Variants in MAP4K5 observed in about 807,000 individuals in gnomAD.
MAP4K5 encodes MAPK/ERK kinase kinase kinase 5.
Under a neutral mutation model 135.6 loss-of-function variants are expected in MAP4K5, and 82 were observed. The ratio of observed to expected loss-of-function variants is 0.60; its 90% CI spans 0.51 to 0.73. The LOEUF (loss-of-function observed/expected upper bound fraction) is 0.73. Ranked by LOEUF, MAP4K5 falls within the 30% of genes least tolerant of loss-of-function variation. The pLI, the probability that MAP4K5 is intolerant of heterozygous loss-of-function variation, is 0.00. For missense variants in MAP4K5, 907 were observed against 1,010.9 expected (o/e 0.90, Z 1.39); for synonymous variants, 347 against 335.0 (o/e 1.04, Z -0.39).
chr14:50,511,611 T>A (rs1156629329), intron 2 of MAP4K5, among the ~76,000 whole-genome samples: 1 of 152,196 alleles, frequency 6.6e-6, no homozygotes. Flanking sequence ...ATAGATTTGC[T>A]AATTTTCCTG....
chr14:50,451,091 T>C (rs913896471), intron 14 of MAP4K5, among the ~76,000 whole-genome samples: 1 of 152,144 alleles, frequency 6.6e-6, no homozygotes, highest in Non-Finnish European at 1.5e-5. Flanking sequence ...AGAAATTATA[T>C]ATATGGATGT....
intron 2 of MAP4K5, among the ~76,000 whole-genome samples, chr14:50,529,074 G>A (rs1450737169): frequency 2.0e-5 from 3 of 151,988 alleles, no homozygotes; most frequent in East Asian, 1.9e-4. Context: ...AAATACACAC[G>A]CAGGGTATCA....
Position 50,513,257 on chromosome 14 carries a change from C to CT in MAP4K5, c.109-8401dup, listed in dbSNP as rs1364315911. Among the ~76,000 whole-genome samples, 9 of 152,200 alleles carry CT rather than the reference C, an allele frequency of 5.9e-5. 1 individual carries two copies. The South Asian group carries it at 1.9e-3, about 32-fold the overall frequency. ...TTCATATTTCCAAGTCAATTTACTA[C>CT]TAAGGAAGTATTTCAACTCAAGCCC... On this transcript the variant is annotated intron_variant, in intron 2 of 32. Transcript: ENST00000682126.
At chr14:50,543,115 G>A (rs59948247) in intron 1 of MAP4K5, among the ~76,000 whole-genome samples, 1,715 of 152,342 alleles carry the variant, frequency 0.011, 32 homozygotes, top group African/African-American at 0.039. Flanking sequence ...GTGTCAATCA[G>A]CCTCTTTACA....
At chr14:50,479,181 T>G (rs575740942) in intron 6 of MAP4K5, among the ~76,000 whole-genome samples, 13 of 26,840 alleles carry the variant, frequency 4.8e-4, no homozygotes, top group African/African-American at 6.9e-4. Context: ...CTCTTCATTC[T>G]CTCTCTTTTT....
intron 2 of MAP4K5, 103 bp from the exon 3 acceptor site, chr14:50,504,960 A>C: frequency 1.6e-6 from 1 of 622,418 alleles, no homozygotes. Flanking sequence ...TACTTTTATC[A>C]AAACTAAAAA....
chr14:50,463,190 T>C (rs2036750447), intron 12 of MAP4K5, among the ~76,000 whole-genome samples: 1 of 152,184 alleles, frequency 6.6e-6, no homozygotes, highest in South Asian at 2.1e-4. Flanking sequence ...TGTAAAATTA[T>C]GTTAATTTAC....
chr14:50,560,988 G>A (rs1391850851), intron 1 of MAP4K5: 1 of 152,946 alleles, frequency 6.5e-6, no homozygotes, highest in East Asian at 1.9e-4. Flanking sequence ...CCACCCCGAC[G>A]TGGTACCCCA....
intron 9 of MAP4K5, 107 bp from the exon 10 acceptor site, chr14:50,468,889 T>G (rs2036893598): frequency 1.1e-6 from 1 of 946,870 alleles, no homozygotes; most frequent in Admixed American, 2.3e-5. Flanking sequence ...AGCTGAGAGG[T>G]GTTTACTAGG....
Position 50,418,737 on chromosome 14 carries a change from A to C in MAP4K5, c.*1282T>G, listed in dbSNP as rs986258012. The C allele has an allele frequency of 6.6e-6, 1 of 152,250 alleles. No individual in the cohort carries two copies. Among genetic ancestry groups the C allele is most frequent in the African/African-American group, 2.4e-5 (1 of 41,438 alleles). 9.4% of individuals were successfully genotyped at this position (152,250 alleles called of 1,614,324 possible). On this transcript the variant is annotated 3_prime_UTR_variant, in exon 33 of 33. Coordinates refer to ENST00000682126, the MANE Select transcript of MAP4K5 (RefSeq NM_006575.6). Reference sequence around the variant, plus strand: ...AGATACTTATACTGTTTTCCTCTTAAGTAATTAGTCAAAATAATTATAGAG... The same window carrying C: ...AGATACTTATACTGTTTTCCTCTTACGTAATTAGTCAAAATAATTATAGAG...
chr14:50,434,930 A>G, intron 27 of MAP4K5, 32 bp downstream of exon 27: 4 of 1,437,876 alleles, frequency 2.8e-6, no homozygotes, highest in Non-Finnish European at 3.9e-6. Flanking sequence ...GTGTTTTCTA[A>G]AGGAAAAAAA....
chr14:50,443,759 G>C lies in MAP4K5; in HGVS notation c.1449C>G (p.Ile483Met), dbSNP rs2036279895. Residue 483 changes from isoleucine (I) to methionine (M), a missense_variant, in exon 20 of 33, where the codon ATC becomes ATG. By Grantham distance (10) the Ile-to-Met change is conservative. Coordinates refer to ENST00000682126, the MANE Select transcript of MAP4K5 (RefSeq NM_006575.6). ...CTTTTGGGGTGGGTGGAAGGCCATTGATGGCTGGTTTCTATGGGAAAAATA... is the reference window on the plus strand; with the variant it reads ...CTTTTGGGGTGGGTGGAAGGCCATTCATGGCTGGTTTCTATGGGAAAAATA... The part of the protein sequence containing the change: ...KDKRDFPKPA[I>M]NGLPPTPKVL... 5.0e-6 allele frequency: 8 copies of C among 1,599,988 alleles called. No individual in the cohort carries two copies. Among genetic ancestry groups the C allele is most frequent in the Non-Finnish European group, 6.0e-6 (7 of 1,176,128 alleles).
At position 50,445,023 on chromosome 14, in the gene MAP4K5, T is replaced by C. The variant is rs1334754978; in HGVS notation, c.1339+18A>G. 3 of 1,608,416 alleles carry C rather than the reference T, an allele frequency of 1.9e-6. No individual in the cohort carries two copies. The highest frequency in any genetic ancestry group is 2.2e-5 in the South Asian group (2 of 89,950). On this transcript the variant is annotated intron_variant, in intron 18 of 32. Transcript: ENST00000682126. ...CTAGCCATATGTACCCCATGGCTGCTAATAATGCTAGCCATACCAATAGAA... is the reference window on the plus strand; with the variant it reads ...CTAGCCATATGTACCCCATGGCTGCCAATAATGCTAGCCATACCAATAGAA...
rs953348056 is a variant in MAP4K5 at position 50,437,989 on chromosome 14, G to A, written c.1728C>T (p.Tyr576=). Residue 576 remains tyrosine (Y), a synonymous_variant, in exon 25 of 33, where the codon TAC becomes TAT. Coordinates refer to ENST00000682126, the MANE Select transcript of MAP4K5 (RefSeq NM_006575.6). ...CAAACAAAGCTATAAGATTGTGAGA[G>A]TAGAGCTGAAAGGTTTTTCCTATAA... ...SLSEGKTFQL[Y]SHNLIALFEH... 4.4e-6 allele frequency: 7 copies of A among 1,605,520 alleles called. No individual in the cohort carries two copies. The South Asian group carries it at 4.4e-5, about 10-fold the overall frequency.
intron 2 of MAP4K5, among the ~76,000 whole-genome samples, chr14:50,523,701 A>G (rs1005988914): frequency 6.6e-6 from 1 of 152,020 alleles, no homozygotes; most frequent in Non-Finnish European, 1.5e-5. Context: ...CAATGTGTTT[A>G]TTATGTTTGT....
chr14:50,460,813 T>C (rs1257255540), intron 13 of MAP4K5, among the ~76,000 whole-genome samples: 2 of 152,154 alleles, frequency 1.3e-5, no homozygotes, highest in Non-Finnish European at 2.9e-5. Context: ...ACTAAGAGAG[T>C]AGGCTCTGGA....
chr14:50,444,354 T>C lies in MAP4K5; in HGVS notation c.1340-318A>G, dbSNP rs79988744. 5.8e-3 allele frequency among the ~76,000 whole-genome samples: 879 copies of C among 152,342 alleles called. 3 individuals carry two copies. The highest frequency in any genetic ancestry group is 9.7e-3 in the Non-Finnish European group (661 of 68,022). On this transcript the variant is annotated intron_variant, in intron 18 of 32. Coordinates refer to ENST00000682126, the MANE Select transcript of MAP4K5 (RefSeq NM_006575.6). ...CAGTTGTATCTTCCAGTATATACCC[T>C]TTAAAAGCTCACATTTCTATTATAA... is the stretch of plus-strand genomic sequence containing the variant.
intron 3 of MAP4K5, among the ~76,000 whole-genome samples, chr14:50,498,764 G>A (rs892227555): frequency 1.3e-5 from 2 of 152,120 alleles, no homozygotes; most frequent in Admixed American, 6.5e-5. Flanking sequence ...TTTTGTTTAT[G>A]TATTACCAGA....
chr14:50,484,712 TATTG>T (rs1253241914), intron 5 of MAP4K5, among the ~76,000 whole-genome samples: 4 of 152,184 alleles, frequency 2.6e-5, no homozygotes, highest in Admixed American at 6.5e-5. Flanking sequence ...ACCACTGCTC[TATTG>T]ATTGACATTT....
Sources: allele counts gnomAD v4.1 joint callset (sites outside exome capture counted in the v4.1 genomes callset), GRCh38; gene constraint gnomAD v4.1.1; transcripts MANE v1.5; gene names NCBI Gene and HGNC (gene_info 2026-07-23, HGNC 2026-07-21).